GCA: variants seen among roughly 807,000 people sequenced by gnomAD.
GCA encodes the protein grancalcin, EF-hand calcium-binding protein.
Under a neutral mutation model 32.6 loss-of-function variants are expected in GCA, and 30 were observed. The observed-to-expected ratio is 0.92, with a 90% CI of 0.69 to 1.25. The LOEUF is 1.25. Ranked by LOEUF, GCA falls within the 50% of genes most tolerant of loss-of-function variation. The probability of loss-of-function intolerance (pLI) is 0.00; values close to 1 mark genes in which losing one functional copy is unlikely to be tolerated. For synonymous variants in GCA, 102 were observed against 84.6 expected (o/e 1.21, Z -1.13); for missense variants, 291 against 266.8 (o/e 1.09, Z -0.63).
At chr2:162,327,509 G>C (rs1024837734) in intron 1 of GCA, among the ~76,000 whole-genome samples, 2 of 152,182 alleles carry the variant, frequency 1.3e-5, no homozygotes, top group Non-Finnish European at 2.9e-5. Context: ...GTTCAGACCA[G>C]GTTGAATTCC....
intron 1 of GCA, among the ~76,000 whole-genome samples, chr2:162,329,489 C>T (rs1360541386): frequency 1.3e-5 from 2 of 151,894 alleles, no homozygotes; most frequent in African/African-American, 4.8e-5. Flanking sequence ...ATATAAATTA[C>T]ATTTTAAAAT....
At chr2:162,356,592 C>G (rs980157955) in intron 4 of GCA, 111 bp downstream of exon 4, 1 of 870,510 alleles carries the variant, frequency 1.1e-6, no homozygotes, top group African/African-American at 1.7e-5. Context: ...TTTAAAAATA[C>G]TTTGTAAGAT....
At chr2:162,348,389 C>T (rs376413208) in intron 2 of GCA, among the ~76,000 whole-genome samples, 1 of 151,994 alleles carries the variant, frequency 6.6e-6, no homozygotes. Context: ...TTCAGAGTCT[C>T]GTAAATTTAT....
downstream of GCA, among the ~76,000 whole-genome samples, chr2:162,368,004 C>T (rs1309295753): frequency 6.6e-6 from 1 of 151,950 alleles, no homozygotes; most frequent in Non-Finnish European, 1.5e-5. Flanking sequence ...GCTTGCTCTT[C>T]TACATTAGTA....
At chr2:162,371,429 T>TGCATCA (rs1276104271) in exon 5 of GCA, 130 of 1,288,016 alleles carry the variant, frequency 1.0e-4, no homozygotes, top group Non-Finnish European at 1.3e-4. Context: ...TCATCTGAAT[T>TGCATCA]TGAGTTGCAT....
chr2:162,372,610 G>A (rs2105383436), downstream of GCA, among the ~76,000 whole-genome samples: 1 of 152,200 alleles, frequency 6.6e-6, no homozygotes, highest in South Asian at 2.1e-4. Context: ...ATTTTTAGAA[G>A]TATTGCGTTA....
At chr2:162,356,036 C>T (rs1003525495) in intron 3 of GCA, among the ~76,000 whole-genome samples, 11 of 151,982 alleles carry the variant, frequency 7.2e-5, no homozygotes, top group Non-Finnish European at 1.2e-4. Flanking sequence ...CACTCTCTCC[C>T]ATATACTTTA....
At chr2:162,322,923 A>T (rs1309261829) in intron 1 of GCA, among the ~76,000 whole-genome samples, 2 of 151,922 alleles carry the variant, frequency 1.3e-5, no homozygotes, top group Non-Finnish European at 2.9e-5. Flanking sequence ...GTATATACCC[A>T]GTAATGGGAT....
Position 162,359,176 on chromosome 2 carries a change from T to A in GCA, c.568+19T>A. ...TTGACAGGTATTGACTATTTAAAAC[T>A]AAGTGCACAGTGTTATGTAGCTATT... is the stretch of plus-strand genomic sequence containing the variant. On this transcript the variant is annotated intron_variant, in intron 6 of 7. Transcript: ENST00000437150. 1 of 1,316,324 alleles carries A rather than the reference T, an allele frequency of 7.6e-7. No individual in the cohort carries two copies. The highest frequency in any genetic ancestry group is 1.1e-6 in the Non-Finnish European group (1 of 910,882). 81.5% of individuals were successfully genotyped at this position (1,316,324 alleles called of 1,614,324 possible).
upstream of GCA, chr2:162,344,129 G>C (rs1576277199): frequency 2.9e-6 from 3 of 1,035,248 alleles, no homozygotes; most frequent in Non-Finnish European, 4.4e-6. Context: ...GAACTGTGCG[G>C]TTAGTGCGCC....
rs1230647166 is a variant in GCA at position 162,362,048 on chromosome 2, C to CTTT, written c.*1806_*1808dup. The CTTT allele has an allele frequency of 2.7e-5, 27 of 983,292 alleles. No homozygotes were observed. The highest frequency in any genetic ancestry group is 3.3e-5 in the Non-Finnish European group (27 of 828,372). The allele number at this position is 983,292 out of a possible 1,614,324, so 60.9% of individuals were successfully genotyped here. A position where few individuals can be genotyped will look rare whatever the true frequency, so the allele number is the denominator to read the frequency against. The stretch of plus-strand genomic sequence containing the variant: ...CCAGGTGACACTCTATATTAGAACT[C>CTTT]TTTAACACAATTTTCATTTAAAAAT... On this transcript the variant is annotated 3_prime_UTR_variant, in exon 8 of 8. Coordinates refer to ENST00000437150, the MANE Select transcript of GCA (RefSeq NM_012198.5).
chr2:162,365,531 A>G (rs139840154), downstream of GCA, among the ~76,000 whole-genome samples: 423 of 151,816 alleles, frequency 2.8e-3, 2 homozygotes, highest in African/African-American at 9.3e-3. Flanking sequence ...GTGTTTTGGT[A>G]GATTGTTTCA....
At chr2:162,331,166 A>G (rs1028956057) in intron 1 of GCA, among the ~76,000 whole-genome samples, 2 of 152,214 alleles carry the variant, frequency 1.3e-5, no homozygotes, top group Non-Finnish European at 2.9e-5. Flanking sequence ...GGCACTAAAT[A>G]TACTACAAAA....
At position 162,344,263 on chromosome 2, in the gene GCA, A is replaced by T. The variant is rs572691994; in HGVS notation, c.15A>T (p.Gly5=). 6.2e-7 allele frequency: 1 copy of T among 1,613,552 alleles called. No homozygotes were observed. Among genetic ancestry groups the T allele is most frequent in the South Asian group, 1.1e-5 (1 of 91,076 alleles). ...TCCCGCTCGTCATGGCCTACCCGGG[A>T]TACGGAGGAGGGGTGAGTCCCAGCC... MAYP[G]YGGGFGNFSI... Residue 5 remains glycine, a synonymous_variant, in exon 1 of 8, where the codon GGA becomes GGT. Transcript: ENST00000437150.
At chr2:162,345,093 A>ATGGTGG (rs377413955) in intron 1 of GCA, among the ~76,000 whole-genome samples, 14,305 of 109,260 alleles carry the variant, frequency 0.13, 1,255 homozygotes, top group Middle Eastern at 0.27. Flanking sequence ...CTTGGAGTTC[A>ATGGTGG]TGGTGGTGGT....
chr2:162,352,681 T>G (rs1685063456), intron 3 of GCA, among the ~76,000 whole-genome samples: 1 of 152,194 alleles, frequency 6.6e-6, no homozygotes, highest in South Asian at 2.1e-4. Context: ...AGAATATTTT[T>G]TTCACGATTG....
In GCA at chr2:162,362,327, C is replaced by T. The variant is rs1685607030; in HGVS notation, c.*2084C>T. 3.1e-6 allele frequency: 3 copies of T among 983,490 alleles called. No homozygotes were observed. The highest frequency in any genetic ancestry group is 1.2e-6 in the Non-Finnish European group (1 of 828,446). The allele number at this position is 983,490 out of a possible 1,614,324, so 60.9% of individuals were successfully genotyped here. ...TGCCAGGCAACTCTTCTGCACTTTA[C>T]ATTAAACAGACAAACTTATGTTAAC... On this transcript the variant is annotated 3_prime_UTR_variant, in exon 8 of 8. Coordinates refer to ENST00000437150, the MANE Select transcript of GCA (RefSeq NM_012198.5).
At position 162,360,327 on chromosome 2, in the gene GCA, G is replaced by T. The variant is rs1431580222; in HGVS notation, c.*84G>T. On this transcript the variant is annotated 3_prime_UTR_variant, in exon 8 of 8. Transcript: ENST00000437150. ...ACTGGACTACTTTAAAACTTTTAAG[G>T]GTTTTCTATGTTCTTCCTACCTGTT... The T allele has an allele frequency of 5.3e-6, 8 of 1,521,638 alleles. No homozygotes were observed. Among genetic ancestry groups the T allele is most frequent in the South Asian group, 5.2e-5 (4 of 76,826 alleles). 94.3% of individuals were successfully genotyped at this position (1,521,638 alleles called of 1,614,324 possible). A position where few individuals can be genotyped will look rare whatever the true frequency, so the allele number is the denominator to read the frequency against.
chr2:162,338,419 G>A (rs1342709534), intron 1 of GCA, among the ~76,000 whole-genome samples: 1 of 152,134 alleles, frequency 6.6e-6, no homozygotes, highest in Admixed American at 6.5e-5. Context: ...CTACACAGAA[G>A]CGAGTTACTA....
Sources: gnomAD v4.1 joint callset for allele counts (sites outside exome capture counted in the v4.1 genomes callset) on GRCh38, gnomAD v4.1.1 for gene constraint, MANE v1.5 for transcripts, NCBI Gene and HGNC (gene_info 2026-07-23, HGNC 2026-07-21) for gene names.